Variants in PIK3R5 observed in about 807,000 individuals in gnomAD.
PIK3R5 encodes phosphoinositide-3-kinase regulatory subunit 5.
In PIK3R5, 32 loss-of-function variants were observed where a neutral mutation model predicts 94.9. The ratio of observed to expected loss-of-function variants is 0.34; its 90% confidence interval spans 0.25 to 0.45. PIK3R5 has a LOEUF of 0.45. PIK3R5 is among the 20% of genes least tolerant of loss of function. The pLI is 1.00. For missense variants in PIK3R5, 853 were observed against 1,144.6 expected (o/e 0.75, Z 3.68); for synonymous variants, 443 against 479.4 (o/e 0.92, Z 0.99).
intron 1 of PIK3R5, among the ~76,000 whole-genome samples, chr17:8,924,792 G>A (rs921984207): frequency 3.9e-5 from 6 of 152,174 alleles, no homozygotes; most frequent in African/African-American, 1.4e-4. Flanking sequence ...TACTCATCAG[G>A]TTTGTGGACA....
chr17:8,910,810 G>A (rs904777220), intron 2 of PIK3R5, among the ~76,000 whole-genome samples: 1 of 152,136 alleles, frequency 6.6e-6, no homozygotes, highest in Admixed American at 6.5e-5. Flanking sequence ...TCACGGAGAA[G>A]TTAGGGAGGC....
In PIK3R5 at chr17:8,911,970, C is replaced by A. The variant is rs920715263; in HGVS notation, c.-13-463G>T. 1.3e-5 allele frequency: 2 copies of A among 152,918 alleles called. No individual in the cohort carries two copies. Among genetic ancestry groups the A allele is most frequent in the African/African-American group, 4.8e-5 (2 of 41,442 alleles). The allele number at this position is 152,918 out of a possible 1,614,324, so 9.5% of individuals were successfully genotyped here. A position where few individuals can be genotyped will look rare whatever the true frequency, so the allele number is the denominator to read the frequency against. The stretch of plus-strand genomic sequence containing the variant: ...CGTGTTCCTGATGACAAGGCCACAG[C>A]AACTCCCTCAATATGCTTGGAGGGA... On this transcript the variant is annotated intron_variant, in intron 1 of 18. Coordinates refer to ENST00000447110, the MANE Select transcript of PIK3R5 (RefSeq NM_001142633.3). This position sits in a 1 kb window ranked among gnomAD's most constrained non-coding sequence, Gnocchi z 5.3.
chr17:8,903,635 C>T (rs879311361), intron 5 of PIK3R5, among the ~76,000 whole-genome samples: 2 of 151,714 alleles, frequency 1.3e-5, no homozygotes, highest in Non-Finnish European at 2.9e-5. Flanking sequence ...CAATACGATT[C>T]TTCAATTATT....
intron 1 of PIK3R5, among the ~76,000 whole-genome samples, chr17:8,937,430 A>G (rs1471608544): frequency 6.6e-6 from 1 of 152,182 alleles, no homozygotes; most frequent in African/African-American, 2.4e-5. Flanking sequence ...TTCTAGTGTG[A>G]TGAGAATTTT....
At chr17:8,923,888 TC>T (rs2090804426) in intron 1 of PIK3R5, among the ~76,000 whole-genome samples, 4 of 44,662 alleles carry the variant, frequency 9.0e-5, no homozygotes, top group Non-Finnish European at 9.8e-5. Flanking sequence ...TCCCCTCCCC[TC>T]CCCTCCCCTC....
chr17:8,898,858 G>A (rs1420969668), intron 5 of PIK3R5, among the ~76,000 whole-genome samples: 1 of 152,172 alleles, frequency 6.6e-6, no homozygotes, highest in Non-Finnish European at 1.5e-5. Flanking sequence ...TCACTTTGTA[G>A]CTTAAACAAG....
At chr17:8,938,430 C>T (rs1040821825) in intron 1 of PIK3R5, among the ~76,000 whole-genome samples, 3 of 152,180 alleles carry the variant, frequency 2.0e-5, no homozygotes, top group Admixed American at 6.5e-5. Context: ...TACCCTTCAG[C>T]GGCTTTTACT....
chr17:8,954,937 CAA>C (rs4065024), intron 1 of PIK3R5, among the ~76,000 whole-genome samples: 5,869 of 101,102 alleles, frequency 0.058, 356 homozygotes, highest in African/African-American at 0.18. Flanking sequence ...AACTCCGTCT[CAA>C]AAAAAAAAAA....
chr17:8,941,509 C>T (rs1463346190), intron 1 of PIK3R5, among the ~76,000 whole-genome samples: 2 of 152,012 alleles, frequency 1.3e-5, no homozygotes, highest in Admixed American at 6.5e-5. Context: ...ACAAAAAAGT[C>T]AAAATGTACA....
rs752348835 is a variant in PIK3R5 at position 8,935,735 on chromosome 17, G to A, written c.-13-24228C>T. Among the ~76,000 whole-genome samples the A allele has an allele frequency of 2.6e-5, 4 of 152,126 alleles. No individual in the cohort carries two copies. Among genetic ancestry groups the A allele is most frequent in the Non-Finnish European group, 5.9e-5 (4 of 68,010 alleles). Reference sequence around the variant, plus strand: ...CTCCCGGACAGCTCCTGGCAGGATGGGGCTTGGCATCGGATTTCAGTCAAC... The same window carrying A: ...CTCCCGGACAGCTCCTGGCAGGATGAGGCTTGGCATCGGATTTCAGTCAAC... On this transcript the variant is annotated intron_variant, in intron 1 of 18. Transcript: ENST00000447110. This position sits in a 1 kb window ranked among gnomAD's most constrained non-coding sequence, Gnocchi z 4.5.
At chr17:8,932,320 G>A (rs2091000688) in intron 1 of PIK3R5, among the ~76,000 whole-genome samples, 1 of 151,780 alleles carries the variant, frequency 6.6e-6, no homozygotes, top group South Asian at 2.1e-4. Flanking sequence ...TGCAACCTCT[G>A]CCTCCCAGGT....
At chr17:8,959,104 C>G (rs1356753388) in intron 1 of PIK3R5, among the ~76,000 whole-genome samples, 1 of 152,166 alleles carries the variant, frequency 6.6e-6, no homozygotes, top group East Asian at 1.9e-4. Context: ...GAATTCAAAA[C>G]TTGGTGAGAA....
rs186067367 is a variant in PIK3R5, at chr17:8,897,186, C to T, written c.413-3531G>A. Among the ~76,000 whole-genome samples the T allele has an allele frequency of 4.7e-4, 72 of 152,212 alleles. 1 individual carries two copies. In the East Asian group the frequency reaches 9.3e-3, roughly 20 times the overall value. On this transcript the variant is annotated intron_variant, in intron 5 of 18. Transcript: ENST00000447110. ...AGGGCCTGGGCAGGAAGGTGAAGCA[C>T]GGATTTCAGGTGAATAAACAAAGGA...
intron 1 of PIK3R5, among the ~76,000 whole-genome samples, chr17:8,952,984 G>A (rs1240466083): frequency 6.6e-6 from 1 of 152,182 alleles, no homozygotes; most frequent in Admixed American, 6.5e-5. Context: ...ACCTGGCAGA[G>A]TTGAGCCATG....
intron 4 of PIK3R5, 52 bp downstream of exon 4, chr17:8,905,617 C>A: frequency 7.2e-7 from 1 of 1,382,702 alleles, no homozygotes; most frequent in Admixed American, 2.1e-5. Flanking sequence ...AGATAGAGGT[C>A]GCTCCTCCCC....
In PIK3R5 at chr17:8,881,494, C is replaced by T; in HGVS notation, c.2382+136G>A. The T allele has an allele frequency of 1.3e-6, 1 of 744,764 alleles. No homozygotes were observed. Among genetic ancestry groups the T allele is most frequent in the Non-Finnish European group, 2.3e-6 (1 of 428,848 alleles). The allele number at this position is 744,764 out of a possible 1,614,324, so 46.1% of individuals were successfully genotyped here. On this transcript the variant is annotated intron_variant, in intron 17 of 18. Coordinates refer to ENST00000447110, the MANE Select transcript of PIK3R5 (RefSeq NM_001142633.3). The surrounding 1 kb of genome is among the most constrained non-coding windows in gnomAD (Gnocchi z 4.8). ...ACCTCTCCTCTCTCTCTCACACACACACAAGTATGTACACACGGGTGTGTA... is the reference window on the plus strand; with the variant it reads ...ACCTCTCCTCTCTCTCTCACACACATACAAGTATGTACACACGGGTGTGTA...
At chr17:8,895,076 A>G (rs1259363187) in intron 5 of PIK3R5, among the ~76,000 whole-genome samples, 4 of 152,198 alleles carry the variant, frequency 2.6e-5, no homozygotes, top group East Asian at 1.9e-4. Flanking sequence ...ATTTTGCCAG[A>G]TAAGTCCTTG....
Position 8,937,611 on chromosome 17 carries a change from G to A in PIK3R5, c.-13-26104C>T, listed in dbSNP as rs182143964. The stretch of plus-strand genomic sequence containing the variant: ...TTAGCTGTGATCTATAATTCTTTTC[G>A]TGTATCGTTGGATTCAATTTGCTAA... On this transcript the variant is annotated intron_variant, in intron 1 of 18. Coordinates refer to ENST00000447110, the MANE Select transcript of PIK3R5 (RefSeq NM_001142633.3). Among the ~76,000 whole-genome samples the A allele has an allele frequency of 3.3e-5, 5 of 152,028 alleles. No homozygotes were observed. In the East Asian group the frequency reaches 5.8e-4, roughly 18 times the overall value.
intron 1 of PIK3R5, among the ~76,000 whole-genome samples, chr17:8,922,199 G>A (rs1229732959): frequency 6.6e-6 from 1 of 151,984 alleles, no homozygotes; most frequent in Non-Finnish European, 1.5e-5. Context: ...AAGAAAAGGA[G>A]GAAGGTAATT....
Sources: gnomAD v4.1 joint callset for allele counts (sites outside exome capture counted in the v4.1 genomes callset) on GRCh38, gnomAD v4.1.1 for gene constraint, Gnocchi (gnomAD v3.1) non-coding constraint, MANE v1.5 for transcripts, NCBI Gene and HGNC (gene_info 2026-07-23, HGNC 2026-07-21) for gene names.